EPHA4: variants seen among roughly 807,000 people sequenced by gnomAD.
EPHA4 encodes EPH receptor A4, also known as ephrin type-A receptor 4.
A neutral mutation model predicts 108.3 loss-of-function variants in EPHA4; 19 were observed. That is an observed-to-expected ratio of 0.18 (90% confidence interval 0.12 to 0.26). The LOEUF is 0.26. Among genes scored for constraint, EPHA4 ranks in the 10% least tolerant of loss-of-function variants. The pLI is 1.00. For missense variants in EPHA4, 917 were observed against 1,254.0 expected (o/e 0.73, Z 4.06); for synonymous variants, 449 against 455.5 (o/e 0.99, Z 0.18).
chr2:221,530,264 A>T (rs1693468302), intron 3 of EPHA4, among the ~76,000 whole-genome samples: 1 of 152,042 alleles, frequency 6.6e-6, no homozygotes, highest in Admixed American at 6.6e-5. Context: ...AGTCGCCATC[A>T]GCTGTTATTT....
chr2:221,445,988 A>T, intron 9 of EPHA4, 135 bp downstream of exon 9: 2 of 400,932 alleles, frequency 5.0e-6, no homozygotes, highest in Non-Finnish European at 8.3e-6. Context: ...CCTAGGAAGT[A>T]CATTATTGGG....
intron 5 of EPHA4, among the ~76,000 whole-genome samples, chr2:221,470,570 A>G (rs1691449922): frequency 6.7e-6 from 1 of 149,238 alleles, no homozygotes; most frequent in Non-Finnish European, 1.5e-5. Context: ...GTATCACTTT[A>G]GGGAACCTCT....
At chr2:221,523,479 G>T (rs146986330) in intron 3 of EPHA4, among the ~76,000 whole-genome samples, 34 of 152,154 alleles carry the variant, frequency 2.2e-4, no homozygotes, top group Middle Eastern at 3.4e-3. Flanking sequence ...TAGAGATGGG[G>T]TTTCTCCATG....
intron 3 of EPHA4, among the ~76,000 whole-genome samples, chr2:221,511,332 A>G (rs1325169270): frequency 6.6e-6 from 1 of 152,198 alleles, no homozygotes; most frequent in Non-Finnish European, 1.5e-5. Context: ...ATTTAGGAGT[A>G]TGCACCTATA....
rs1690587779 is a variant in EPHA4, at chr2:221,446,150, C to T, written c.1747G>A (p.Ala583Thr). The T allele has an allele frequency of 1.9e-6, 3 of 1,552,800 alleles. No individual in the cohort carries two copies. Among genetic ancestry groups the T allele is most frequent in the South Asian group, 1.3e-5 (1 of 79,100 alleles). The change falls in exon 9 of 18, where the codon GCG becomes ACG. Residue 583 changes from alanine to threonine, a missense_variant. By Grantham distance (58) the Ala-to-Thr change is moderately conservative. This residue lies in a region of EPHA4 where 758 missense variants were observed against 1,076.7 expected (regional missense o/e 0.70). Transcript: ENST00000281821. Reference protein sequence around the residue: ...RSKYSKAKQEADEEKHLNQGV... With the variant: ...RSKYSKAKQETDEEKHLNQGV... ...TGATTCAAATGTTTCTCTTCATCCG[C>T]TTCTTGTTTGGCTTTACTGTATTTA...
intron 3 of EPHA4, among the ~76,000 whole-genome samples, chr2:221,555,442 A>T (rs951893745): frequency 3.9e-5 from 6 of 152,246 alleles, no homozygotes; most frequent in African/African-American, 1.2e-4. Flanking sequence ...GGCTGGGCAG[A>T]CAGCTGACGA....
upstream of EPHA4, chr2:221,572,525 C>G (rs1279856474): frequency 8.1e-6 from 2 of 245,920 alleles, no homozygotes; most frequent in Admixed American, 1.1e-4. Context: ...GGTCCCCGCC[C>G]CCGCCTGCCG....
intron 4 of EPHA4, among the ~76,000 whole-genome samples, chr2:221,497,131 G>A (rs758091740): frequency 6.6e-6 from 1 of 152,120 alleles, no homozygotes; most frequent in Non-Finnish European, 1.5e-5. Context: ...GGCAGTTTGG[G>A]GAAGGAAGTG....
At position 221,545,834 on chromosome 2, in the gene EPHA4, C is replaced by T. The variant is rs1411972451; in HGVS notation, c.823+17897G>A. 2.0e-5 allele frequency among the ~76,000 whole-genome samples: 3 copies of T among 152,282 alleles called. No homozygotes were observed. The East Asian group carries it at 5.8e-4, about 29-fold the overall frequency. ...CTTCTGTTGACCTGGAATGCACTTG[C>T]TTAATCCACAAGATTCTACACTTAA... is the stretch of plus-strand genomic sequence containing the variant. On this transcript the variant is annotated intron_variant, in intron 3 of 17. Coordinates refer to ENST00000281821, the MANE Select transcript of EPHA4 (RefSeq NM_004438.5).
At chr2:221,548,584 T>C (rs529657638) in intron 3 of EPHA4, among the ~76,000 whole-genome samples, 27 of 152,186 alleles carry the variant, frequency 1.8e-4, no homozygotes, top group Non-Finnish European at 2.6e-4. Context: ...CTCAGGTCTT[T>C]CTTTATAGCA....
chr2:221,572,516 G>GT, upstream of EPHA4: 1 of 259,488 alleles, frequency 3.9e-6, no homozygotes, highest in Non-Finnish European at 7.2e-6. Flanking sequence ...AGCACGGCCG[G>GT]TCCCCGCCCC....
At chr2:221,456,886 GA>G in intron 6 of EPHA4, 114 bp from the exon 7 acceptor site, 1 of 1,102,856 alleles carries the variant, frequency 9.1e-7, no homozygotes. Flanking sequence ...AAAGTAAATG[GA>G]GATGAATAAA....
chr2:221,492,486 T>C (rs945814883), intron 4 of EPHA4, among the ~76,000 whole-genome samples: 1 of 152,196 alleles, frequency 6.6e-6, no homozygotes, highest in Admixed American at 6.5e-5. Flanking sequence ...AGTGCCTTCG[T>C]TGAAGCTCAC....
intron 5 of EPHA4, among the ~76,000 whole-genome samples, chr2:221,463,706 T>G (rs1274530710): frequency 1.3e-5 from 2 of 152,204 alleles, no homozygotes; most frequent in Non-Finnish European, 2.9e-5. Context: ...TTTCTTTTAT[T>G]CACTTCCTCA....
At chr2:221,447,575 C>G (rs1424764540) in intron 8 of EPHA4, among the ~76,000 whole-genome samples, 3 of 152,136 alleles carry the variant, frequency 2.0e-5, no homozygotes, top group African/African-American at 7.2e-5. Flanking sequence ...CCCTCAGAGC[C>G]TACAGATGTT....
intron 5 of EPHA4, among the ~76,000 whole-genome samples, chr2:221,469,515 G>C (rs998349668): frequency 2.3e-4 from 35 of 152,076 alleles, no homozygotes; most frequent in African/African-American, 8.5e-4. Context: ...GAACCCATGA[G>C]ACAAGTACAA....
Position 221,476,086 on chromosome 2 carries a change from G to A in EPHA4, c.1318+6266C>T, listed in dbSNP as rs184391303. The stretch of plus-strand genomic sequence containing the variant: ...AATAGAAAACTTAGCTGGATGTGGT[G>A]GCGCCCGCCTGTAATCCCAGCTACT... On this transcript the variant is annotated intron_variant, in intron 5 of 17. Coordinates refer to ENST00000281821, the MANE Select transcript of EPHA4 (RefSeq NM_004438.5). Among the ~76,000 whole-genome samples the A allele has an allele frequency of 1.4e-4, 22 of 152,284 alleles. No individual in the cohort carries two copies. The East Asian group carries it at 3.7e-3, about 25-fold the overall frequency.
chr2:221,533,237 T>C (rs1199932347), intron 3 of EPHA4, among the ~76,000 whole-genome samples: 2 of 152,304 alleles, frequency 1.3e-5, no homozygotes, highest in South Asian at 2.1e-4. Flanking sequence ...GGCAGCCCCA[T>C]AGCTCCAAAA....
chr2:221,565,622 T>G (rs13001370), intron 2 of EPHA4, among the ~76,000 whole-genome samples: 27 of 152,206 alleles, frequency 1.8e-4, no homozygotes, highest in Non-Finnish European at 4.0e-4. Context: ...AAACTCTTAA[T>G]GGATGGAAAT....
Sources: gnomAD v4.1 joint callset for allele counts (sites outside exome capture counted in the v4.1 genomes callset) on GRCh38, gnomAD v4.1.1 for gene constraint, gnomAD v4.1.1 regional missense constraint, MANE v1.5 for transcripts, NCBI Gene and HGNC (gene_info 2026-07-23, HGNC 2026-07-21) for gene names.